FMN1: variants seen among roughly 807,000 people sequenced by gnomAD.
FMN1 encodes the protein formin-1.
Under a neutral mutation model 132.4 loss-of-function variants are expected in FMN1, and 110 were observed. That is an observed-to-expected ratio of 0.83 (90% CI 0.71 to 0.97). FMN1 has a LOEUF of 0.97. Ranked by LOEUF, FMN1 falls within the 50% of genes least tolerant of loss-of-function variation. The pLI is 0.00. For synonymous variants in FMN1, 722 were observed against 651.7 expected (o/e 1.11, Z -1.64); for missense variants, 1,792 against 1,705.3 (o/e 1.05, Z -0.90).
chr15:33,167,608 A>G (rs1209404879), intron 3 of FMN1, among the ~76,000 whole-genome samples: 2 of 152,238 alleles, frequency 1.3e-5, no homozygotes, highest in African/African-American at 2.4e-5. Context: ...TCAAAAATGT[A>G]TGTATAACTT....
intron 7 of FMN1, among the ~76,000 whole-genome samples, chr15:32,982,486 C>G (rs1320109676): frequency 6.6e-6 from 1 of 152,154 alleles, no homozygotes; most frequent in Non-Finnish European, 1.5e-5. Context: ...GTAGCTTTAT[C>G]AATAATAGCC....
intron 8 of FMN1, 88 bp from the exon 9 acceptor site, chr15:32,964,345 A>G: frequency 1.0e-6 from 1 of 971,684 alleles, no homozygotes; most frequent in Non-Finnish European, 1.5e-6. Flanking sequence ...CCATTTTTTA[A>G]TTTCATTTTT....
intron 5 of FMN1, among the ~76,000 whole-genome samples, chr15:33,077,144 C>T (rs1356792761): frequency 6.6e-6 from 1 of 152,104 alleles, no homozygotes; most frequent in East Asian, 1.9e-4. Context: ...CATCTTCCTG[C>T]CTCAGCCCCG....
intron 4 of FMN1, among the ~76,000 whole-genome samples, chr15:33,140,658 A>G (rs1021333268): frequency 1.4e-4 from 22 of 152,262 alleles, no homozygotes; most frequent in Non-Finnish European, 4.4e-5. Context: ...CAATATCTGG[A>G]ATATAAAAAA....
chr15:32,789,770 G>A (rs770590215), intron 19 of FMN1, among the ~76,000 whole-genome samples: 6 of 152,128 alleles, frequency 3.9e-5, no homozygotes, highest in East Asian at 1.9e-4. Context: ...CTACACAGGT[G>A]TACCATTTTC....
chr15:33,171,748 CAGTT>C (rs1459101943), intron 3 of FMN1, among the ~76,000 whole-genome samples: 1 of 152,076 alleles, frequency 6.6e-6, no homozygotes, highest in Non-Finnish European at 1.5e-5. Context: ...ACTGCAGCTA[CAGTT>C]AGTTCTTGCT....
intron 7 of FMN1, among the ~76,000 whole-genome samples, chr15:32,984,323 C>T (rs1465905005): frequency 3.9e-5 from 6 of 152,094 alleles, no homozygotes; most frequent in African/African-American, 1.4e-4. Flanking sequence ...TTAAAGAACA[C>T]CACCTATCAA....
At chr15:33,109,457 G>C (rs1282070455) in intron 4 of FMN1, among the ~76,000 whole-genome samples, 2 of 152,088 alleles carry the variant, frequency 1.3e-5, no homozygotes, top group African/African-American at 4.8e-5. Flanking sequence ...ATCGATGACA[G>C]ATTGGATAAA....
chr15:32,984,071 C>G (rs148820752), intron 7 of FMN1, among the ~76,000 whole-genome samples: 2 of 152,246 alleles, frequency 1.3e-5, no homozygotes, highest in African/African-American at 4.8e-5. Flanking sequence ...CCGCATTATA[C>G]TTATGATGAG....
At chr15:33,010,812 A>G (rs2034673779) in intron 6 of FMN1, among the ~76,000 whole-genome samples, 1 of 152,102 alleles carries the variant, frequency 6.6e-6, no homozygotes, top group Non-Finnish European at 1.5e-5. Flanking sequence ...CAGTACTTCT[A>G]AAAATACAAA....
At chr15:33,181,878 T>G (rs895544830) in intron 2 of FMN1, among the ~76,000 whole-genome samples, 2 of 151,866 alleles carry the variant, frequency 1.3e-5, no homozygotes, top group African/African-American at 2.4e-5. Context: ...CTGGCTAATT[T>G]TTTGTATTTT....
intron 19 of FMN1, among the ~76,000 whole-genome samples, chr15:32,790,508 G>T (rs2057038296): frequency 6.6e-6 from 1 of 152,162 alleles, no homozygotes; most frequent in African/African-American, 2.4e-5. Flanking sequence ...TAAAACCACA[G>T]ATTTCTAGAC....
At chr15:32,861,732 A>T (rs369277841) in intron 16 of FMN1, among the ~76,000 whole-genome samples, 1 of 152,214 alleles carries the variant, frequency 6.6e-6, no homozygotes. Flanking sequence ...GCCACGGTGC[A>T]AATCTCCTGT....
chr15:33,117,167 T>TAAC (rs1159398618), intron 4 of FMN1, among the ~76,000 whole-genome samples: 2 of 152,044 alleles, frequency 1.3e-5, no homozygotes, highest in Non-Finnish European at 2.9e-5. Context: ...TACTCCCCTC[T>TAAC]AACAACTCTC....
chr15:32,945,505 C>T (rs893951952), intron 9 of FMN1, among the ~76,000 whole-genome samples: 11 of 152,134 alleles, frequency 7.2e-5, no homozygotes, highest in Admixed American at 5.2e-4. Context: ...GTCTCACACA[C>T]GTATATCTTT....
At chr15:32,776,687 C>CTTTT in intron 20 of FMN1, 148 bp downstream of exon 20, 4 of 453,976 alleles carry the variant, frequency 8.8e-6, no homozygotes, top group Non-Finnish European at 1.5e-5. Context: ...CCCACACATA[C>CTTTT]TTTTTTTTTT....
At chr15:32,843,028 G>A (rs1281514868) in intron 17 of FMN1, among the ~76,000 whole-genome samples, 1 of 151,950 alleles carries the variant, frequency 6.6e-6, no homozygotes, top group Non-Finnish European at 1.5e-5. Flanking sequence ...TTGGGAGGCT[G>A]AGCCAGGAGA....
chr15:32,855,157 T>TAAAAAAAAAAAAAAA (rs750275479), intron 17 of FMN1, among the ~76,000 whole-genome samples: 1 of 85,544 alleles, frequency 1.2e-5, no homozygotes, highest in Non-Finnish European at 2.5e-5. Flanking sequence ...ACGTGGAGAG[T>TAAAAAAAAAAAAAAA]AAAAAAAAAA....
intron 5 of FMN1, among the ~76,000 whole-genome samples, chr15:33,085,911 G>A (rs901218620): frequency 8.6e-5 from 13 of 152,020 alleles, no homozygotes; most frequent in African/African-American, 2.7e-4. Context: ...CATCTGTAAC[G>A]AGCTTGCAAC....
Sources: gnomAD v4.1 joint callset for allele counts (sites outside exome capture counted in the v4.1 genomes callset) on GRCh38, gnomAD v4.1.1 for gene constraint, MANE v1.5 for transcripts, NCBI Gene and HGNC (gene_info 2026-07-23, HGNC 2026-07-21) for gene names.